Variants in DAP3 observed in about 807,000 individuals in gnomAD.
DAP3 encodes small ribosomal subunit protein mS29.
Under a neutral mutation model 51.9 loss-of-function variants are expected in DAP3, and 28 were observed. The observed-to-expected ratio is 0.54, with a 90% CI of 0.40 to 0.74. The LOEUF (loss-of-function observed/expected upper bound fraction) is 0.74. DAP3 is among the 30% of genes least tolerant of loss of function. The probability of loss-of-function intolerance (pLI) is 0.00; values close to 1 mark genes in which losing one functional copy is unlikely to be tolerated. For synonymous variants in DAP3, 170 were observed against 170.3 expected (o/e 1.00, Z 0.01); for missense variants, 458 against 483.5 (o/e 0.95, Z 0.49).
intron 2 of DAP3, among the ~76,000 whole-genome samples, chr1:155,715,820 G>A (rs1312935939): frequency 6.6e-6 from 1 of 152,110 alleles, no homozygotes; most frequent in Non-Finnish European, 1.5e-5. Flanking sequence ...AGGTTTCGGT[G>A]TACAGTTCAC....
At chr1:155,727,480 A>G (rs1658733340) in intron 6 of DAP3, 128 bp from the exon 7 acceptor site, 3 of 1,063,300 alleles carry the variant, frequency 2.8e-6, no homozygotes, top group South Asian at 5.0e-5. Flanking sequence ...AAAAAAAAAA[A>G]AAAAAAGAAA....
chr1:155,720,324 C>CAAAAAAA lies in DAP3; in HGVS notation c.169-1171_169-1165dup, dbSNP rs61252469. 4.0e-4 allele frequency among the ~76,000 whole-genome samples: 13 copies of CAAAAAAA among 32,810 alleles called. 1 individual carries two copies. The highest frequency in any genetic ancestry group is 1.2e-3 in the African/African-American group (9 of 7,640). The allele number at this position is 32,810 out of a possible 152,430, so 21.5% of individuals were successfully genotyped here. The stretch of plus-strand genomic sequence containing the variant: ...TGGTAAACCGAGCAAGATCTTGTCT[C>CAAAAAAA]AAAAAAAAAAAAAAAAAAAAAAAAA... On this transcript the variant is annotated intron_variant, in intron 3 of 12. Transcript: ENST00000368336.
chr1:155,690,774 A>G (rs765765709), intron 1 of DAP3, among the ~76,000 whole-genome samples: 1 of 141,926 alleles, frequency 7.0e-6, no homozygotes, highest in Non-Finnish European at 1.5e-5. Context: ...GATAGGATCT[A>G]TGTCGCCAAG....
chr1:155,732,067 T>G lies in DAP3; in HGVS notation c.993+34T>G, dbSNP rs1166930744. ...AAAGGAAAATTTGTTTCTACTTAGATTGTTATCCTGTTTAAAGAAAAATAT... is the reference window on the plus strand; with the variant it reads ...AAAGGAAAATTTGTTTCTACTTAGAGTGTTATCCTGTTTAAAGAAAAATAT... On this transcript the variant is annotated intron_variant, in intron 11 of 12. Transcript: ENST00000368336. 1.9e-6 allele frequency: 3 copies of G among 1,546,772 alleles called. No homozygotes were observed. In the South Asian group the frequency reaches 3.6e-5, roughly 19 times the overall value.
chr1:155,736,972 T>C lies in DAP3; in HGVS notation c.1020T>C (p.Phe340=). ...GKEGFDALDP[F]IPILVSNYNP... is the part of the protein sequence containing the mutation. ...AAGGATTTGATGCCCTGGATCCCTT[T>C]ATTCCCATCCTGGTTTCCAACTATA... is the stretch of plus-strand genomic sequence containing the variant. Residue 340 remains phenylalanine, a synonymous_variant, in exon 12 of 13, where the codon TTT becomes TTC. Coordinates refer to ENST00000368336, the MANE Select transcript of DAP3 (RefSeq NM_004632.4). 2 of 1,614,146 alleles carry C rather than the reference T, an allele frequency of 1.2e-6. No homozygotes were observed. Among genetic ancestry groups the C allele is most frequent in the Non-Finnish European group, 1.7e-6 (2 of 1,179,994 alleles).
chr1:155,722,674 CAT>C (rs1658139289), intron 4 of DAP3, among the ~76,000 whole-genome samples: 1 of 152,054 alleles, frequency 6.6e-6, no homozygotes, highest in Non-Finnish European at 1.5e-5. Flanking sequence ...AACATTTAGT[CAT>C]GTGTGGTAGC....
At position 155,731,376 on chromosome 1, in the gene DAP3, A is replaced by G. The variant is rs759554299; in HGVS notation, c.864A>G (p.Ala288=). Residue 288 remains alanine, a synonymous_variant, in exon 10 of 13, where the codon GCA becomes GCG. Coordinates refer to ENST00000368336, the MANE Select transcript of DAP3 (RefSeq NM_004632.4). ...TGCAGATTGCCCCCGAGGAATTAGC[A>G]CTTGTTCACAACTTGAGGAAAATGA... ...DKSPIAPEEL[A]LVHNLRKMMK... is the part of the protein sequence containing the mutation. 2.5e-6 allele frequency: 4 copies of G among 1,614,070 alleles called. No homozygotes were observed. In the South Asian group the frequency reaches 4.4e-5, roughly 18 times the overall value.
chr1:155,699,804 C>T (rs1274590296), intron 1 of DAP3, among the ~76,000 whole-genome samples: 1 of 152,088 alleles, frequency 6.6e-6, no homozygotes, highest in African/African-American at 2.4e-5. Context: ...TGGTAGAGGA[C>T]AAGGTCTCAT....
chr1:155,711,421 A>T (rs1460321363), intron 2 of DAP3, among the ~76,000 whole-genome samples: 1 of 152,106 alleles, frequency 6.6e-6, no homozygotes, highest in Non-Finnish European at 1.5e-5. Context: ...TGAACCCAAG[A>T]GGTAGAGGTT....
chr1:155,730,570 C>T (rs1419462681), intron 9 of DAP3, among the ~76,000 whole-genome samples: 4 of 151,862 alleles, frequency 2.6e-5, no homozygotes, highest in African/African-American at 9.7e-5. Context: ...GAGTGGAGAT[C>T]GTGCCACTGC....
intron 1 of DAP3, among the ~76,000 whole-genome samples, chr1:155,700,160 C>G (rs1310615226): frequency 6.6e-6 from 1 of 152,220 alleles, no homozygotes; most frequent in Non-Finnish European, 1.5e-5. Context: ...TGGTCTCAAT[C>G]TCTTGACTTC....
intron 11 of DAP3, among the ~76,000 whole-genome samples, chr1:155,734,176 T>G (rs1286804259): frequency 6.6e-6 from 1 of 152,076 alleles, no homozygotes. Context: ...AAAAGCTCCT[T>G]CAAGCTAACT....
rs1232488909 is a variant in DAP3 at position 155,727,716 on chromosome 1, C to T, written c.581C>T (p.Thr194Ile). Residue 194 changes from threonine to isoleucine, a missense_variant, in exon 7 of 13, where the codon ACA (threonine) becomes ATA (isoleucine). Transcript: ENST00000368336. ...ACCTGGCTGAAGAATTTCAAAACTA[C>T]AAATGAGCGCTTCCTGAACCAGGTG... is the stretch of plus-strand genomic sequence containing the variant. ...ASTWLKNFKT[T>I]NERFLNQIKV... 2.5e-6 allele frequency: 4 copies of T among 1,613,504 alleles called. No individual in the cohort carries two copies. The highest frequency in any genetic ancestry group is 3.4e-6 in the Non-Finnish European group (4 of 1,179,726).
chr1:155,688,938 G>T (rs375716262), upstream of DAP3: 2 of 1,612,826 alleles, frequency 1.2e-6, no homozygotes, highest in South Asian at 2.2e-5. Context: ...ACCTCCCTGG[G>T]TTCGTCGCCG....
chr1:155,728,299 C>A (rs623741), intron 7 of DAP3, among the ~76,000 whole-genome samples: 3 of 152,190 alleles, frequency 2.0e-5, no homozygotes, highest in Non-Finnish European at 4.4e-5. Context: ...CAGGGGCTCA[C>A]ACCTGTAATG....
chr1:155,738,029 A>T lies in DAP3; in HGVS notation c.1112-128A>T, dbSNP rs535210922. 13 of 832,280 alleles carry T rather than the reference A, an allele frequency of 1.6e-5. No homozygotes were observed. The East Asian group carries it at 3.5e-4, about 22-fold the overall frequency. 51.6% of individuals were successfully genotyped at this position (832,280 alleles called of 1,614,324 possible). On this transcript the variant is annotated intron_variant, in intron 12 of 12. Transcript: ENST00000368336. ...GTTGGGGTGAGGGTCTAGAAGTAAG[A>T]TCTCTTGGGAGATGATAATTACCTC...
chr1:155,698,539 C>G (rs924550246), intron 1 of DAP3, among the ~76,000 whole-genome samples: 1 of 152,160 alleles, frequency 6.6e-6, no homozygotes, highest in Non-Finnish European at 1.5e-5. Context: ...TCTGACTCAG[C>G]CTCATCATCT....
intron 1 of DAP3, among the ~76,000 whole-genome samples, chr1:155,697,821 C>A (rs1395028875): frequency 1.3e-5 from 2 of 152,142 alleles, no homozygotes; most frequent in African/African-American, 4.8e-5. Context: ...TCCTAGCAAG[C>A]CTGAGGGTGC....
Position 155,729,052 on chromosome 1 carries a change from A to C in DAP3, c.614A>C (p.Gln205Pro). ...TTTGCTTGCTTTTAGATAAAAGTTCAAGAGAAGTATGTCTGGAATAAGAGA... is the reference window on the plus strand; with the variant it reads ...TTTGCTTGCTTTTAGATAAAAGTTCCAGAGAAGTATGTCTGGAATAAGAGA... ...NERFLNQIKV[Q>P]EKYVWNKRES... Residue 205 changes from glutamine to proline, a missense_variant, in exon 8 of 13, where the codon CAA becomes CCA. Gln to Pro is a moderately conservative substitution (Grantham distance 76). Transcript: ENST00000368336. 1 of 1,613,414 alleles carries C rather than the reference A, an allele frequency of 6.2e-7. No individual in the cohort carries two copies. Among genetic ancestry groups the C allele is most frequent in the African/African-American group, 1.3e-5 (1 of 74,904 alleles).
Sources: allele counts gnomAD v4.1 joint callset (sites outside exome capture counted in the v4.1 genomes callset), GRCh38; gene constraint gnomAD v4.1.1; transcripts MANE v1.5; gene names NCBI Gene and HGNC (gene_info 2026-07-23, HGNC 2026-07-21).